Variants in AFTPH observed in about 807,000 individuals in gnomAD.
AFTPH encodes aftiphilin protein.
Under a neutral mutation model 72.5 loss-of-function variants are expected in AFTPH, and 7 were observed. The observed-to-expected ratio is 0.10, with a 90% CI of 0.05 to 0.18. AFTPH has a LOEUF of 0.18. Among genes scored for constraint, AFTPH ranks in the 10% least tolerant of loss-of-function variants. The pLI is 1.00. For missense variants in AFTPH, 979 were observed against 1,060.5 expected (o/e 0.92, Z 1.07); for synonymous variants, 337 against 370.1 (o/e 0.91, Z 1.03).
intron 1 of AFTPH, among the ~76,000 whole-genome samples, chr2:64,550,046 C>T (rs566046206): frequency 3.3e-5 from 5 of 152,196 alleles, no homozygotes; most frequent in East Asian, 1.9e-4. Flanking sequence ...TGCTACATGA[C>T]GCAGCATTCA....
intron 1 of AFTPH, 132 bp downstream of exon 1, chr2:64,524,744 G>T (rs1669142804): frequency 2.7e-6 from 1 of 365,634 alleles, no homozygotes; most frequent in Non-Finnish European, 4.9e-6. Context: ...CTGTGAGGAC[G>T]GAGCTGGCTC....
chr2:64,576,074 T>TACACACACACAC (rs55774717), intron 6 of AFTPH, among the ~76,000 whole-genome samples: 2 of 127,744 alleles, frequency 1.6e-5, no homozygotes, highest in Non-Finnish European at 3.4e-5. Context: ...TTTGGCATGC[T>TACACACACACAC]ACACACACAC....
At chr2:64,563,417 A>G (rs894889001) in intron 2 of AFTPH, among the ~76,000 whole-genome samples, 2 of 152,206 alleles carry the variant, frequency 1.3e-5, no homozygotes, top group Non-Finnish European at 2.9e-5. Context: ...TATGTTCAAA[A>G]TAGCAATGAT....
chr2:64,536,005 A>G (rs1023556284), intron 1 of AFTPH, among the ~76,000 whole-genome samples: 15 of 152,220 alleles, frequency 9.9e-5, no homozygotes, highest in African/African-American at 3.6e-4. Context: ...AATTTGTGGT[A>G]GAGGGGGAGC....
chr2:64,529,360 C>A (rs1318735450), intron 1 of AFTPH, among the ~76,000 whole-genome samples: 1 of 142,940 alleles, frequency 7.0e-6, no homozygotes, highest in Admixed American at 6.9e-5. Flanking sequence ...CAAGTGTGAT[C>A]TTTTTCTTAG....
At chr2:64,556,194 GC>G (rs945302546) in intron 2 of AFTPH, among the ~76,000 whole-genome samples, 1 of 152,016 alleles carries the variant, frequency 6.6e-6, no homozygotes, top group African/African-American at 2.4e-5. Context: ...CACCATATTG[GC>G]CAGGCTGGTC....
At chr2:64,551,920 G>A (rs1268270894) in exon 2 of AFTPH, 1 of 1,613,558 alleles carries the variant, frequency 6.2e-7, no homozygotes, top group Admixed American at 1.7e-5. Context: ...ACACTTGAAA[G>A]TTTCTCTCCA....
intron 1 of AFTPH, among the ~76,000 whole-genome samples, chr2:64,550,810 T>TA (rs1479006229): frequency 1.3e-5 from 2 of 152,096 alleles, no homozygotes; most frequent in Non-Finnish European, 2.9e-5. Flanking sequence ...GACCATGTGT[T>TA]ATGGTTATTA....
chr2:64,591,984 C>T, exon 9 of AFTPH: 1 of 1,613,904 alleles, frequency 6.2e-7, no homozygotes, highest in Non-Finnish European at 8.5e-7. Flanking sequence ...TGTTGATGTT[C>T]CCAGCCACGT....
intron 2 of AFTPH, among the ~76,000 whole-genome samples, chr2:64,564,521 G>C (rs1456416862): frequency 6.6e-6 from 1 of 152,072 alleles, no homozygotes; most frequent in Admixed American, 6.6e-5. Flanking sequence ...GGCTAAGGCA[G>C]CAGAATCGCT....
At chr2:64,571,694 G>T (rs1176581019) in intron 5 of AFTPH, among the ~76,000 whole-genome samples, 3 of 152,008 alleles carry the variant, frequency 2.0e-5, no homozygotes, top group Admixed American at 2.0e-4. Flanking sequence ...TTGAGGTTTT[G>T]TTTTTGTTTT....
At chr2:64,572,917 C>T (rs563507370) in intron 5 of AFTPH, 29 bp from the exon 6 acceptor site, 1 of 1,613,524 alleles carries the variant, frequency 6.2e-7, no homozygotes, top group Admixed American at 1.7e-5. Context: ...CACCCCCATC[C>T]CCATTAAAGG....
intron 7 of AFTPH, among the ~76,000 whole-genome samples, chr2:64,581,638 G>GAGAT (rs3836063): frequency 2.7e-5 from 4 of 150,908 alleles, no homozygotes; most frequent in Non-Finnish European, 2.9e-5. Flanking sequence ...TACAAGTTTA[G>GAGAT]AGATAGATAG....
exon 2 of AFTPH, chr2:64,552,798 A>C: frequency 6.2e-7 from 1 of 1,614,220 alleles, no homozygotes; most frequent in Non-Finnish European, 8.5e-7. Context: ...TGGCTCTGCC[A>C]GTGGCTCAAC....
chr2:64,552,951 A>G (rs13304), exon 2 of AFTPH: 1 of 1,614,114 alleles, frequency 6.2e-7, no homozygotes, highest in Non-Finnish European at 8.5e-7. Context: ...CCAAGAGGAG[A>G]CAATATTAAC....
chr2:64,576,110 CACACACACGT>C (rs1394196361), intron 6 of AFTPH, among the ~76,000 whole-genome samples: 4 of 112,552 alleles, frequency 3.6e-5, no homozygotes, highest in Admixed American at 1.7e-4. Flanking sequence ...CACACACACA[CACACACACGT>C]GTGTCATACA....
intron 1 of AFTPH, among the ~76,000 whole-genome samples, chr2:64,536,100 G>A (rs578101588): frequency 1.3e-5 from 2 of 152,316 alleles, no homozygotes; most frequent in Admixed American, 6.5e-5. Context: ...TTTGAGTAGA[G>A]GTTGAATTCA....
At chr2:64,579,384 C>A in intron 6 of AFTPH, 102 bp from the exon 7 acceptor site, 1 of 815,512 alleles carries the variant, frequency 1.2e-6, no homozygotes, top group Non-Finnish European at 1.9e-6. Flanking sequence ...TCTTTAGGTA[C>A]TTTGTTGCCT....
chr2:64,544,828 T>C (rs1371878264), intron 1 of AFTPH, among the ~76,000 whole-genome samples: 2 of 152,068 alleles, frequency 1.3e-5, no homozygotes, highest in Non-Finnish European at 2.9e-5. Context: ...TTCTAAAGGG[T>C]AAGTTGGGTC....
Sources: gnomAD v4.1 joint callset for allele counts (sites outside exome capture counted in the v4.1 genomes callset) on GRCh38, gnomAD v4.1.1 for gene constraint, MANE v1.5 for transcripts, NCBI Gene and HGNC (gene_info 2026-07-23, HGNC 2026-07-21) for gene names.